The following LARGE1 variants were observed in gnomAD, a reference collection of about 807,000 sequenced individuals.
The protein encoded by LARGE1 is xylosyl- and glucuronyltransferase LARGE1.
In LARGE1, 43 loss-of-function variants were observed where a neutral mutation model predicts 87.6. That is an observed-to-expected ratio of 0.49 (90% confidence interval 0.38 to 0.63). The LOEUF is 0.63. Among genes scored for constraint, LARGE1 ranks in the 30% least tolerant of loss-of-function variants. LARGE1 has a pLI of 0.00. For synonymous variants in LARGE1, 434 were observed against 394.6 expected (o/e 1.10, Z -1.18); for missense variants, 802 against 1,000.2 (o/e 0.80, Z 2.67).
At chr22:33,326,211 C>G (rs958153712) in intron 10 of LARGE1, among the ~76,000 whole-genome samples, 2 of 152,126 alleles carry the variant, frequency 1.3e-5, no homozygotes, top group Admixed American at 6.5e-5. Context: ...CAGCCCTGAC[C>G]TCGACTTGGA....
intron 11 of LARGE1, chr22:33,166,905 C>T (rs1053038210): frequency 4.3e-6 from 2 of 469,906 alleles, no homozygotes; most frequent in African/African-American, 4.0e-5. Flanking sequence ...TGCAATGATA[C>T]TGGCTAAGAG....
At chr22:33,451,276 C>G (rs920594965) in intron 6 of LARGE1, among the ~76,000 whole-genome samples, 2 of 151,956 alleles carry the variant, frequency 1.3e-5, no homozygotes, top group Admixed American at 1.3e-4. Context: ...TGGGAGAGAA[C>G]AAGAGAGGGA....
intron 1 of LARGE1, among the ~76,000 whole-genome samples, chr22:33,766,494 T>C (rs759692618): frequency 1.0e-3 from 155 of 152,296 alleles, no homozygotes; most frequent in Non-Finnish European, 1.5e-3. Flanking sequence ...GTCGTGATCT[T>C]GGCTCACTGC....
intron 2 of LARGE1, among the ~76,000 whole-genome samples, chr22:33,700,899 AG>A (rs2082387800): frequency 6.6e-6 from 1 of 152,220 alleles, no homozygotes; most frequent in Non-Finnish European, 1.5e-5. Context: ...GAGGGACAGG[AG>A]GGTGTAGCCC....
chr22:33,571,269 A>C (rs192356490), intron 5 of LARGE1, among the ~76,000 whole-genome samples: 4 of 152,296 alleles, frequency 2.6e-5, no homozygotes, highest in Non-Finnish European at 5.9e-5. Flanking sequence ...TCAAAGGGAA[A>C]TCTGCCTTCT....
chr22:33,279,334 G>C (rs1258994705), intron 13 of LARGE1, among the ~76,000 whole-genome samples: 1 of 152,212 alleles, frequency 6.6e-6, no homozygotes, highest in African/African-American at 2.4e-5. Flanking sequence ...CAGGGAGAGA[G>C]GAAGTGGAAG....
the LARGE1 span, among the ~76,000 whole-genome samples, chr22:33,127,778 T>C: frequency 1.4e-5 from 2 of 146,936 alleles, no homozygotes; most frequent in Non-Finnish European, 2.9e-5. Flanking sequence ...ATTGACTGAC[T>C]GAGAAATCAG....
the LARGE1 span, among the ~76,000 whole-genome samples, chr22:33,139,253 C>T: frequency 6.6e-6 from 1 of 152,076 alleles, no homozygotes; most frequent in Non-Finnish European, 1.5e-5. Context: ...TTTGCATTTC[C>T]CTGATAATCA....
At chr22:33,638,406 T>G (rs1398256886) in intron 3 of LARGE1, among the ~76,000 whole-genome samples, 1 of 152,182 alleles carries the variant, frequency 6.6e-6, no homozygotes, top group Non-Finnish European at 1.5e-5. Context: ...TTGCCTAAAC[T>G]CACTGAGGAA....
At chr22:33,385,415 T>C (rs2267196) in intron 7 of LARGE1, among the ~76,000 whole-genome samples, 54,966 of 144,030 alleles carry the variant, frequency 0.38, 17,126 homozygotes, top group African/African-American at 0.79. Context: ...GTGATCCCAG[T>C]TACTTGGGAG....
rs1477886476 is a variant in LARGE1, at chr22:33,840,707, G to C, written c.-82-79149C>G. ...TTTTTCTGGGAAAGGGTCTCGCTCA[G>C]TCACCCAGGCTGGAGCACAGTGGCG... On this transcript the variant is annotated intron_variant, in intron 1 of 14. Transcript: ENST00000397394. Among the ~76,000 whole-genome samples, 4 of 151,860 alleles carry C rather than the reference G, an allele frequency of 2.6e-5. No homozygotes were observed. The East Asian group carries it at 7.7e-4, about 29-fold the overall frequency.
chr22:33,310,827 T>C (rs1172506440), intron 11 of LARGE1, among the ~76,000 whole-genome samples: 4 of 152,110 alleles, frequency 2.6e-5, no homozygotes, highest in African/African-American at 9.7e-5. Flanking sequence ...TGGGTTCTCT[T>C]GAGATACTGT....
intron 4 of LARGE1, among the ~76,000 whole-genome samples, chr22:33,620,508 T>G (rs1284841528): frequency 1.3e-5 from 2 of 152,214 alleles, no homozygotes; most frequent in Non-Finnish European, 2.9e-5. Flanking sequence ...TATTTTCTAC[T>G]GGGTAACAAA....
intron 1 of LARGE1, among the ~76,000 whole-genome samples, chr22:33,801,058 G>C (rs774965341): frequency 6.6e-6 from 1 of 152,118 alleles, no homozygotes; most frequent in Non-Finnish European, 1.5e-5. Context: ...TCTCATGATA[G>C]TGAGTAAGTC....
chr22:33,920,896 A>C (rs1226138510), upstream of LARGE1, among the ~76,000 whole-genome samples: 1 of 146,306 alleles, frequency 6.8e-6, no homozygotes, highest in Non-Finnish European at 1.5e-5. Context: ...CCCGGCCAGG[A>C]GTGGGCCGCC....
chr22:33,672,675 T>C (rs918458957), intron 2 of LARGE1, among the ~76,000 whole-genome samples: 1 of 152,244 alleles, frequency 6.6e-6, no homozygotes, highest in Non-Finnish European at 1.5e-5. Context: ...CCTGGTCCTG[T>C]GTCTCTCAGT....
At chr22:33,193,236 C>G (rs1923882424) in intron 11 of LARGE1, among the ~76,000 whole-genome samples, 2 of 152,118 alleles carry the variant, frequency 1.3e-5, no homozygotes, top group East Asian at 1.9e-4. Context: ...ACCTAAATCA[C>G]TAAGTACAAC....
chr22:33,565,594 A>G (rs941981619), intron 5 of LARGE1, among the ~76,000 whole-genome samples: 2 of 152,174 alleles, frequency 1.3e-5, no homozygotes, highest in Non-Finnish European at 1.5e-5. Flanking sequence ...GACACTCTTC[A>G]CCTGACAGCA....
At chr22:33,128,013 A>G in the LARGE1 span, among the ~76,000 whole-genome samples, 2 of 152,138 alleles carry the variant, frequency 1.3e-5, no homozygotes, top group Non-Finnish European at 2.9e-5. Context: ...CCTCATACAT[A>G]TATTAGTATG....
Sources: gnomAD v4.1 joint callset for allele counts (sites outside exome capture counted in the v4.1 genomes callset) on GRCh38, gnomAD v4.1.1 for gene constraint, MANE v1.5 for transcripts, NCBI Gene and HGNC (gene_info 2026-07-23, HGNC 2026-07-21) for gene names.